The following CRTC3 variants were observed in gnomAD, a reference collection of about 807,000 sequenced individuals.
The protein encoded by CRTC3 is CREB regulated transcription coactivator 3.
CRTC3 carries 26 observed loss-of-function variants against 74.5 expected under a neutral mutation model. The ratio of observed to expected loss-of-function variants is 0.35; its 90% confidence interval spans 0.26 to 0.48. The LOEUF (loss-of-function observed/expected upper bound fraction) is 0.48, where lower values mean the gene tolerates loss of function less well. CRTC3 is among the 20% of genes least tolerant of loss of function. The pLI is 0.99. For synonymous variants in CRTC3, 377 were observed against 325.8 expected (o/e 1.16, Z -1.69); for missense variants, 760 against 787.3 (o/e 0.97, Z 0.41).
chr15:90,591,696 TC>T (rs1183384348), intron 2 of CRTC3, among the ~76,000 whole-genome samples: 1 of 152,140 alleles, frequency 6.6e-6, no homozygotes, highest in East Asian at 1.9e-4. Flanking sequence ...TGCACTGTAG[TC>T]CCAGCTACTC....
chr15:90,637,459 C>T (rs1191278235), intron 11 of CRTC3, among the ~76,000 whole-genome samples: 7 of 152,006 alleles, frequency 4.6e-5, no homozygotes, highest in Non-Finnish European at 5.9e-5. Flanking sequence ...ACGTAAATGA[C>T]GAGTTAATGG....
intron 6 of CRTC3, among the ~76,000 whole-genome samples, chr15:90,608,569 CCTT>C (rs1230566797): frequency 6.6e-6 from 1 of 152,192 alleles, no homozygotes. Context: ...GTTATCGTGT[CCTT>C]CTAACATCCC....
intron 2 of CRTC3, among the ~76,000 whole-genome samples, chr15:90,576,011 A>C (rs958897148): frequency 1.3e-5 from 2 of 152,198 alleles, no homozygotes; most frequent in Admixed American, 1.3e-4. Flanking sequence ...AGGAAACAAG[A>C]TTAGAGACAA....
intron 11 of CRTC3, chr15:90,634,754 T>C (rs1035171906): frequency 3.9e-6 from 4 of 1,016,606 alleles, no homozygotes; most frequent in African/African-American, 3.2e-5. Flanking sequence ...GAAAGTTTTT[T>C]CCACTCTCTG....
chr15:90,642,674 G>A lies in CRTC3; in HGVS notation c.*534G>A, dbSNP rs1407559067. On this transcript the variant is annotated 3_prime_UTR_variant, in exon 15 of 15. Coordinates refer to ENST00000268184, the MANE Select transcript of CRTC3 (RefSeq NM_022769.5). ...AGTGGACCCCACGGCTCTCTCCCAC[G>A]CCTGGATTACGACATGAAGTTTTTA... 4 of 233,070 alleles carry A rather than the reference G, an allele frequency of 1.7e-5. No homozygotes were observed. Among genetic ancestry groups the A allele is most frequent in the South Asian group, 1.7e-4 (1 of 5,722 alleles). The allele number at this position is 233,070 out of a possible 1,614,324, so 14.4% of individuals were successfully genotyped here. A position where few individuals can be genotyped will look rare whatever the true frequency, so the allele number is the denominator to read the frequency against.
intron 11 of CRTC3, among the ~76,000 whole-genome samples, chr15:90,635,761 G>A (rs1344480827): frequency 3.5e-5 from 5 of 141,820 alleles, no homozygotes; most frequent in South Asian, 4.4e-4. Flanking sequence ...CATCCTGTGA[G>A]CCGGGTTGGG....
intron 2 of CRTC3, among the ~76,000 whole-genome samples, chr15:90,569,264 A>G (rs1347076154): frequency 6.6e-6 from 1 of 150,470 alleles, no homozygotes; most frequent in Non-Finnish European, 1.5e-5. Flanking sequence ...TTGGCCTCCC[A>G]AAGTGCTAGG....
intron 1 of CRTC3, among the ~76,000 whole-genome samples, chr15:90,534,151 A>G (rs1184927361): frequency 6.6e-6 from 1 of 152,156 alleles, no homozygotes; most frequent in Non-Finnish European, 1.5e-5. Flanking sequence ...ATTTACTAAG[A>G]TGGTGGCAGT....
rs921706717 is a variant in CRTC3, at chr15:90,643,981, A to G, written c.*1841A>G. 1 of 232,592 alleles carries G rather than the reference A, an allele frequency of 4.3e-6. No individual in the cohort carries two copies. The highest frequency in any genetic ancestry group is 8.5e-6 in the Non-Finnish European group (1 of 117,740). 14.4% of individuals were successfully genotyped at this position (232,592 alleles called of 1,614,324 possible). ...GGGCTGGTTAGCCTCTCCCGACCTC[A>G]TTCCATTTCTATCTTCTGACCTTGC... On this transcript the variant is annotated 3_prime_UTR_variant, in exon 15 of 15. Coordinates refer to ENST00000268184, the MANE Select transcript of CRTC3 (RefSeq NM_022769.5).
At chr15:90,606,539 G>T (rs559310766) in intron 5 of CRTC3, among the ~76,000 whole-genome samples, 1 of 152,134 alleles carries the variant, frequency 6.6e-6, no homozygotes, top group African/African-American at 2.4e-5. Context: ...TCCAGCCTGG[G>T]CAACAGAGCG....
At chr15:90,617,667 C>G (rs1968528516) in intron 7 of CRTC3, among the ~76,000 whole-genome samples, 1 of 152,046 alleles carries the variant, frequency 6.6e-6, no homozygotes, top group Admixed American at 6.6e-5. Context: ...GTAGTTGGGA[C>G]TACAGGTGTG....
At chr15:90,542,691 G>C (rs919628669) in intron 2 of CRTC3, among the ~76,000 whole-genome samples, 1 of 152,160 alleles carries the variant, frequency 6.6e-6, no homozygotes, top group South Asian at 2.1e-4. Context: ...TGTAGCAAAA[G>C]GATTCAGTTC....
intron 8 of CRTC3, chr15:90,618,226 T>G: frequency 4.6e-6 from 1 of 219,026 alleles, no homozygotes; most frequent in East Asian, 9.8e-5. Flanking sequence ...AAAAAAACCC[T>G]GCTAAGTCCT....
At chr15:90,564,597 T>A (rs1021186298) in intron 2 of CRTC3, among the ~76,000 whole-genome samples, 12 of 152,178 alleles carry the variant, frequency 7.9e-5, no homozygotes, top group Non-Finnish European at 1.6e-4. Flanking sequence ...CTTTTCTTGC[T>A]TCTCATCTGC....
At chr15:90,588,734 C>T (rs1967726702) in intron 2 of CRTC3, among the ~76,000 whole-genome samples, 1 of 152,080 alleles carries the variant, frequency 6.6e-6, no homozygotes, top group South Asian at 2.1e-4. Flanking sequence ...CTGGGGCAGT[C>T]CCTAATAGTG....
chr15:90,614,892 C>T (rs975266622), intron 7 of CRTC3, among the ~76,000 whole-genome samples: 9 of 151,932 alleles, frequency 5.9e-5, no homozygotes, highest in Admixed American at 5.2e-4. Context: ...GGTGAAACCC[C>T]GTCTCTACTA....
chr15:90,607,525 T>C (rs779617268), intron 6 of CRTC3, 47 bp downstream of exon 6: 2 of 1,216,470 alleles, frequency 1.6e-6, no homozygotes, highest in Non-Finnish European at 1.2e-6. Context: ...TTGCTCATTC[T>C]GTCCTAGGAA....
chr15:90,541,216 G>A (rs1966796649), intron 2 of CRTC3, among the ~76,000 whole-genome samples: 1 of 152,196 alleles, frequency 6.6e-6, no homozygotes, highest in Admixed American at 6.5e-5. Context: ...TGCAATTTAA[G>A]ATTCGGTGTT....
Position 90,530,705 on chromosome 15 carries a change from G to C in CRTC3, c.132+502G>C, listed in dbSNP as rs887890215. On this transcript the variant is annotated intron_variant, in intron 1 of 14. Coordinates refer to ENST00000268184, the MANE Select transcript of CRTC3 (RefSeq NM_022769.5). The surrounding 1 kb of genome is among the most constrained non-coding windows in gnomAD (Gnocchi z 6.2). ...AGTCCATCCAGGGCCCGGCCCTGGG[G>C]TGGCTCGGGTTGTTGGAACCACGAC... 6 of 152,332 alleles carry C rather than the reference G, an allele frequency of 3.9e-5. No homozygotes were observed. Among genetic ancestry groups the C allele is most frequent in the Admixed American group, 1.3e-4 (2 of 15,284 alleles). 9.4% of individuals were successfully genotyped at this position (152,332 alleles called of 1,614,324 possible). A position where few individuals can be genotyped will look rare whatever the true frequency, so the allele number is the denominator to read the frequency against.
Sources: gnomAD v4.1 joint callset for allele counts (sites outside exome capture counted in the v4.1 genomes callset) on GRCh38, gnomAD v4.1.1 for gene constraint, Gnocchi (gnomAD v3.1) non-coding constraint, MANE v1.5 for transcripts, NCBI Gene and HGNC (gene_info 2026-07-23, HGNC 2026-07-21) for gene names.